The following DOCK8 variants were observed in gnomAD, a reference collection of about 807,000 sequenced individuals.
The protein encoded by DOCK8 is dedicator of cytokinesis 8, also known as dedicator of cytokinesis protein 8.
Under a neutral mutation model 245.6 loss-of-function variants are expected in DOCK8, and 141 were observed. The observed-to-expected ratio is 0.57, with a 90% CI of 0.50 to 0.66. The LOEUF (loss-of-function observed/expected upper bound fraction) is 0.66. Among genes scored for constraint, DOCK8 ranks in the 30% least tolerant of loss-of-function variants. The probability of loss-of-function intolerance (pLI) is 0.00; values close to 1 mark genes in which losing one functional copy is unlikely to be tolerated. For missense variants in DOCK8, 2,965 were observed against 2,603.4 expected (o/e 1.14, Z -3.02); for synonymous variants, 1,168 against 970.2 (o/e 1.20, Z -3.79).
intron 14 of DOCK8, chr9:365,900 C>G (rs767143879): frequency 6.2e-6 from 2 of 323,728 alleles, no homozygotes; most frequent in Non-Finnish European, 1.2e-5. Flanking sequence ...TCATCATTTA[C>G]TATATCCACG....
chr9:228,085 A>G (rs2047028042), intron 1 of DOCK8, among the ~76,000 whole-genome samples: 2 of 152,218 alleles, frequency 1.3e-5, no homozygotes, highest in African/African-American at 4.8e-5. Flanking sequence ...TGCAGAGGAA[A>G]TAGAGGAAGC....
At chr9:366,971 TG>T (rs1191152807) in intron 14 of DOCK8, among the ~76,000 whole-genome samples, 1 of 152,204 alleles carries the variant, frequency 6.6e-6, no homozygotes, top group Non-Finnish European at 1.5e-5. Context: ...AGCATGACTC[TG>T]GAACTAGACA....
chr9:348,708 C>G (rs7023358), intron 14 of DOCK8, among the ~76,000 whole-genome samples: 86,058 of 152,130 alleles, frequency 0.57, 25,412 homozygotes, highest in East Asian at 0.86. Context: ...GATTTCTATA[C>G]TTTTGTTAGT....
At position 312,112 on chromosome 9, in the gene DOCK8, C is replaced by T. The variant is rs773793159; in HGVS notation, c.687C>T (p.Ala229=). The T allele has an allele frequency of 1.2e-6, 2 of 1,614,158 alleles. No homozygotes were observed. The highest frequency in any genetic ancestry group is 1.7e-6 in the Non-Finnish European group (2 of 1,180,032). Residue 229 remains alanine (A), a synonymous_variant, in exon 6 of 48, where the codon GCC becomes GCT. Transcript: ENST00000432829. Reference sequence around the variant, plus strand: ...ACTTTGAGAAGCAGAACGAGGAGGCCCGGAGGACCAATAGGCAGGCCGAGC... The same window carrying T: ...ACTTTGAGAAGCAGAACGAGGAGGCTCGGAGGACCAATAGGCAGGCCGAGC... ...AEDFEKQNEE[A]RRTNRQAELF...
intron 15 of DOCK8, 116 bp downstream of exon 15, chr9:368,251 C>T: frequency 1.1e-6 from 1 of 893,734 alleles, no homozygotes; most frequent in Middle Eastern, 2.1e-4. Flanking sequence ...GCCAATACTG[C>T]TCAGCATGTG....
At chr9:255,668 C>CGAAAAAAAAAAAAAAAAAAAAAAA (rs1563844740) in intron 1 of DOCK8, among the ~76,000 whole-genome samples, 1 of 23,504 alleles carries the variant, frequency 4.3e-5, no homozygotes, top group Non-Finnish European at 7.6e-5. Context: ...ACTCCATCTC[C>CGAAAAAAAAAAAAAAAAAAAAAAA]AAAAAAAAAA....
rs866472973 is a variant in DOCK8, at chr9:400,970, T to A, written c.3234+1711T>A. On this transcript the variant is annotated intron_variant, in intron 26 of 47. Transcript: ENST00000432829. Reference sequence around the variant, plus strand: ...CATCACCACCACCACCACCACCTCCTCCACCATCACCACCTCCTCCACCAC... The same window carrying A: ...CATCACCACCACCACCACCACCTCCACCACCATCACCACCTCCTCCACCAC... 5.1e-3 allele frequency among the ~76,000 whole-genome samples: 451 copies of A among 88,838 alleles called. 3 individuals are homozygous for A. The highest frequency in any genetic ancestry group is 7.7e-3 in the Non-Finnish European group (314 of 40,678). 58.3% of individuals were successfully genotyped at this position (88,838 alleles called of 152,430 possible).
intron 42 of DOCK8, 47 bp from the exon 43 acceptor site, chr9:443,380 C>G (rs759709280): frequency 1.3e-6 from 2 of 1,540,600 alleles, no homozygotes; most frequent in Non-Finnish European, 1.8e-6. Flanking sequence ...CAAAGAGTTG[C>G]ATTATGTTAA....
rs1053331328 is a variant in DOCK8, at chr9:446,717, A to G, written c.5817+111A>G. ...TTGGACTGAAAACAAGGAGGGATGC[A>G]CTTGAAATATGATTATATGGTTGTC... is the stretch of plus-strand genomic sequence containing the variant. On this transcript the variant is annotated intron_variant, in intron 44 of 47. Coordinates refer to ENST00000432829, the MANE Select transcript of DOCK8 (RefSeq NM_203447.4). The G allele has an allele frequency of 3.2e-6, 3 of 938,948 alleles. No homozygotes were observed. In the African/African-American group the frequency reaches 4.9e-5, roughly 15 times the overall value. The allele number at this position is 938,948 out of a possible 1,614,324, so 58.2% of individuals were successfully genotyped here.
intron 1 of DOCK8, among the ~76,000 whole-genome samples, chr9:264,959 C>T (rs539597883): frequency 4.5e-4 from 68 of 152,274 alleles, no homozygotes; most frequent in African/African-American, 1.5e-3. Flanking sequence ...GAGACAAAGT[C>T]TCGCTCTTGT....
At chr9:353,339 T>A (rs1274514940) in intron 14 of DOCK8, among the ~76,000 whole-genome samples, 1 of 152,170 alleles carries the variant, frequency 6.6e-6, no homozygotes, top group African/African-American at 2.4e-5. Flanking sequence ...TCCAATACTT[T>A]CTTCCCCAAC....
At chr9:309,713 A>AT (rs2050013758) in intron 5 of DOCK8, among the ~76,000 whole-genome samples, 1 of 152,216 alleles carries the variant, frequency 6.6e-6, no homozygotes, top group East Asian at 1.9e-4. Flanking sequence ...CTGTTACCAA[A>AT]TTCCCGTAGA....
intron 1 of DOCK8, among the ~76,000 whole-genome samples, chr9:218,067 C>T (rs996655705): frequency 2.0e-5 from 3 of 152,102 alleles, no homozygotes; most frequent in Non-Finnish European, 4.4e-5. Flanking sequence ...TAAACATTAA[C>T]AATGTGATGT....
chr9:382,800 C>CT (rs2053778634), intron 22 of DOCK8, 115 bp downstream of exon 22: 22 of 1,361,960 alleles, frequency 1.6e-5, no homozygotes, highest in Non-Finnish European at 2.2e-5. Flanking sequence ...TGGTCGGATG[C>CT]TTTAATGCTC....
At chr9:421,267 G>T (rs1414309215) in intron 32 of DOCK8, among the ~76,000 whole-genome samples, 189 bp downstream of exon 32, 1 of 152,190 alleles carries the variant, frequency 6.6e-6, no homozygotes, top group Non-Finnish European at 1.5e-5. Context: ...GGAAAGCGCT[G>T]TTCTACAATT....
At chr9:322,490 G>T (rs1035979051) in intron 7 of DOCK8, among the ~76,000 whole-genome samples, 1 of 151,750 alleles carries the variant, frequency 6.6e-6, no homozygotes, top group Non-Finnish European at 1.5e-5. Context: ...GTCCCTAACT[G>T]TGTAGACTTT....
At chr9:314,025 A>T (rs1377927409) in intron 6 of DOCK8, among the ~76,000 whole-genome samples, 1 of 152,218 alleles carries the variant, frequency 6.6e-6, no homozygotes, top group Non-Finnish European at 1.5e-5. Context: ...TAGGCTAAAG[A>T]GCTTTTTCAA....
intron 1 of DOCK8, among the ~76,000 whole-genome samples, chr9:226,834 C>T (rs1176594047): frequency 6.6e-6 from 1 of 152,090 alleles, no homozygotes; most frequent in African/African-American, 2.4e-5. Context: ...GAAGTCAAGA[C>T]TGGATATTTA....
intron 27 of DOCK8, among the ~76,000 whole-genome samples, chr9:406,505 A>C (rs1365798448): frequency 7.3e-6 from 1 of 136,716 alleles, no homozygotes; most frequent in Non-Finnish European, 1.6e-5. Flanking sequence ...AAAAAAAAAA[A>C]AAAAAGAAGG....
Sources: gnomAD v4.1 joint callset for allele counts (sites outside exome capture counted in the v4.1 genomes callset) on GRCh38, gnomAD v4.1.1 for gene constraint, MANE v1.5 for transcripts, NCBI Gene and HGNC (gene_info 2026-07-23, HGNC 2026-07-21) for gene names.